FOXN4: variants seen among roughly 807,000 people sequenced by gnomAD.
FOXN4 encodes forkhead box protein N4.
A neutral mutation model predicts 45.0 loss-of-function variants in FOXN4; 12 were observed. The ratio of observed to expected loss-of-function variants is 0.27; its 90% confidence interval spans 0.17 to 0.43. FOXN4 has a LOEUF of 0.43. FOXN4 is among the 20% of genes least tolerant of loss of function. The probability of loss-of-function intolerance (pLI) is 1.00; values close to 1 mark genes in which losing one functional copy is unlikely to be tolerated. For synonymous variants in FOXN4, 297 were observed against 295.0 expected, an observed-to-expected ratio of 1.01 and a Z score of -0.07; for missense variants, 560 against 694.9, an observed-to-expected ratio of 0.81 and a Z score of 2.18.
At chr12:109,292,302 G>A (rs760742078) in intron 2 of FOXN4, among the ~76,000 whole-genome samples, 2 of 152,170 alleles carry the variant, frequency 1.3e-5, no homozygotes, top group Non-Finnish European at 2.9e-5. Context: ...GCCCTCCAAA[G>A]CTCCCTGAGT....
In FOXN4 at chr12:109,279,615, G is replaced by C. The variant is rs1488003630; in HGVS notation, c.*56C>G. 4.5e-6 allele frequency: 7 copies of C among 1,551,500 alleles called. No individual in the cohort carries two copies. The highest frequency in any genetic ancestry group is 3.5e-6 in the Non-Finnish European group (4 of 1,147,396). ...TGCCTTCTGGGAACACCCTGTTCTA[G>C]TCAGTTCTCTGCCCAAGCCGGGTGC... On this transcript the variant is annotated 3_prime_UTR_variant, in exon 10 of 10. Coordinates refer to ENST00000299162, the MANE Select transcript of FOXN4 (RefSeq NM_213596.3).
At position 109,280,513 on chromosome 12, in the gene FOXN4, A is replaced by C. The variant is rs530585075; in HGVS notation, c.1295-583T>G. Among the ~76,000 whole-genome samples the C allele has an allele frequency of 1.3e-3, 194 of 152,292 alleles. 2 individuals carry two copies. Among genetic ancestry groups the C allele is most frequent in the African/African-American group, 4.6e-3 (190 of 41,560 alleles). ...CTAAGGCTGTGGCACGGGTTAAACA[A>C]GAGGACTTGTGAAAAGCATTTAGTT... On this transcript the variant is annotated intron_variant, in intron 9 of 9. Coordinates refer to ENST00000299162, the MANE Select transcript of FOXN4 (RefSeq NM_213596.3).
Position 109,279,521 on chromosome 12 carries a change from AACCGCTTCCCTG to A in FOXN4, c.*138_*149del, listed in dbSNP as rs1481909253. 5 of 1,201,968 alleles carry A rather than the reference AACCGCTTCCCTG, an allele frequency of 4.2e-6. No homozygotes were observed. The highest frequency in any genetic ancestry group is 5.7e-6 in the Non-Finnish European group (5 of 873,756). The allele number at this position is 1,201,968 out of a possible 1,614,324, so 74.5% of individuals were successfully genotyped here. On this transcript the variant is annotated 3_prime_UTR_variant, in exon 10 of 10. Transcript: ENST00000299162. ...GAGAAGGAGAGGGGCTGCTGAGGGG[AACCGCTTCCCTG>A]TCCAGCCGGCAACTTCGCCACAGGT...
intron 2 of FOXN4, among the ~76,000 whole-genome samples, chr12:109,301,815 C>T (rs190960077): frequency 2.0e-5 from 3 of 152,232 alleles, no homozygotes; most frequent in African/African-American, 7.2e-5. Context: ...TAGGACCTGA[C>T]GCCCTGTGGG....
intron 9 of FOXN4, 78 bp downstream of exon 9, chr12:109,281,329 C>A (rs1344499925): frequency 1.3e-6 from 2 of 1,541,342 alleles, no homozygotes; most frequent in Non-Finnish European, 1.8e-6. Flanking sequence ...GCAGTACAGT[C>A]CTCTCCCTCA....
intron 7 of FOXN4, 48 bp from the exon 8 acceptor site, chr12:109,285,559 C>G (rs778910610): frequency 1.2e-6 from 2 of 1,604,638 alleles, no homozygotes; most frequent in Non-Finnish European, 1.7e-6. Flanking sequence ...AGCCCTTCCC[C>G]CTACCCCGGG....
At chr12:109,286,525 C>T (rs546617145) in intron 7 of FOXN4, 123 bp downstream of exon 7, 160 of 897,280 alleles carry the variant, frequency 1.8e-4, no homozygotes, top group African/African-American at 1.7e-5. Context: ...CATGTCCTAA[C>T]CACCAGATGT....
rs182625596 is a variant in FOXN4, at chr12:109,287,995, G to A, written c.358-41C>T. On this transcript the variant is annotated intron_variant, in intron 4 of 9. Coordinates refer to ENST00000299162, the MANE Select transcript of FOXN4 (RefSeq NM_213596.3). This position sits in a 1 kb window ranked among gnomAD's most constrained non-coding sequence, Gnocchi z 4.1. ...AGGAGGAGACAGAGGGTCACGGTGG[G>A]GGTAGACACCCAGTCTGGAGGGCAC... is the stretch of plus-strand genomic sequence containing the variant. 1.1e-5 allele frequency: 17 copies of A among 1,549,484 alleles called. No individual in the cohort carries two copies. The highest frequency in any genetic ancestry group is 1.3e-5 in the Non-Finnish European group (15 of 1,146,854).
chr12:109,308,151 T>G, intron 2 of FOXN4, 85 bp downstream of exon 2: 1 of 1,089,184 alleles, frequency 9.2e-7, no homozygotes, highest in South Asian at 1.7e-5. Context: ...ACAATAGTTC[T>G]TGGGCAGTTT....
At chr12:109,304,990 A>G (rs568024003) in intron 2 of FOXN4, among the ~76,000 whole-genome samples, 1 of 152,206 alleles carries the variant, frequency 6.6e-6, no homozygotes, top group Non-Finnish European at 1.5e-5. Flanking sequence ...TTCACTGATG[A>G]AGAACCTGAG....
chr12:109,281,843 T>TA, intron 8 of FOXN4, 44 bp from the exon 9 acceptor site: 2 of 1,513,356 alleles, frequency 1.3e-6, no homozygotes, highest in Non-Finnish European at 1.8e-6. Context: ...ACCCAGCAGT[T>TA]ACCGGGCCCC....
chr12:109,298,167 C>T (rs1217254762), intron 2 of FOXN4, among the ~76,000 whole-genome samples: 2 of 152,006 alleles, frequency 1.3e-5, no homozygotes, highest in Non-Finnish European at 2.9e-5. Flanking sequence ...AAGGAGGTTG[C>T]AGGGAAGAGC....
chr12:109,285,244 CGTGT>C lies in FOXN4; in HGVS notation c.901+56_901+59del, dbSNP rs56261774. ...GATGTCGGCCAGGTCCTTCCTCTTC[CGTGT>C]GTGTGTGTGTGTGTGTGTGTGTGTG... On this transcript the variant is annotated intron_variant, in intron 8 of 9. Transcript: ENST00000299162. 3,810 of 1,317,924 alleles carry C rather than the reference CGTGT, an allele frequency of 2.9e-3. 1 individual carries two copies. The highest frequency in any genetic ancestry group is 5.7e-3 in the African/African-American group (359 of 62,576). The allele number at this position is 1,317,924 out of a possible 1,614,324, so 81.6% of individuals were successfully genotyped here.
chr12:109,293,473 GC>G (rs1261386558), intron 2 of FOXN4, among the ~76,000 whole-genome samples: 1 of 152,052 alleles, frequency 6.6e-6, no homozygotes, highest in Non-Finnish European at 1.5e-5. Flanking sequence ...ACCCCATATT[GC>G]CCCATGTCCT....
intron 2 of FOXN4, among the ~76,000 whole-genome samples, chr12:109,304,200 A>G (rs1335848241): frequency 3.3e-5 from 5 of 149,562 alleles, no homozygotes; most frequent in Non-Finnish European, 7.4e-5. Context: ...AAAAAAAAAA[A>G]AAGAAAGAAA....
At position 109,307,689 on chromosome 12, in the gene FOXN4, C is replaced by T. The variant is rs1403250811; in HGVS notation, c.86+547G>A. On this transcript the variant is annotated intron_variant, in intron 2 of 9. Transcript: ENST00000299162. ...CTCAGTTTCCATCTAATTTACTCTT[C>T]AAACACATGAGGCCTAGAAGAAACC... is the stretch of plus-strand genomic sequence containing the variant. Among the ~76,000 whole-genome samples, 2 of 152,202 alleles carry T rather than the reference C, an allele frequency of 1.3e-5. 1 individual carries two copies. Among genetic ancestry groups the T allele is most frequent in the Admixed American group, 1.3e-4 (2 of 15,284 alleles).
intron 2 of FOXN4, 143 bp downstream of exon 2, chr12:109,308,093 A>G (rs1407332017): frequency 1.4e-6 from 1 of 697,616 alleles, no homozygotes; most frequent in Non-Finnish European, 2.3e-6. Context: ...ACCAACATTG[A>G]AATCAAGACT....
At chr12:109,303,320 A>G (rs141200247) in intron 2 of FOXN4, among the ~76,000 whole-genome samples, 6 of 152,356 alleles carry the variant, frequency 3.9e-5, no homozygotes, top group East Asian at 1.9e-4. Flanking sequence ...GGAGATCACA[A>G]CTGATGGGTG....
At chr12:109,289,162 AAACC>A (rs2047743092) in intron 3 of FOXN4, among the ~76,000 whole-genome samples, 1 of 152,210 alleles carries the variant, frequency 6.6e-6, no homozygotes, top group Non-Finnish European at 1.5e-5. Context: ...GCAGATGTGG[AAACC>A]AGTCAGGGCA....
Sources: allele counts gnomAD v4.1 joint callset (sites outside exome capture counted in the v4.1 genomes callset), GRCh38; gene constraint gnomAD v4.1.1; non-coding constraint Gnocchi (gnomAD v3.1); transcripts MANE v1.5; gene names NCBI Gene and HGNC (gene_info 2026-07-23, HGNC 2026-07-21).